CNTNAP5: variants seen among roughly 807,000 people sequenced by gnomAD.
CNTNAP5 encodes the protein contactin associated protein family member 5.
A neutral mutation model predicts 150.2 loss-of-function variants in CNTNAP5; 72 were observed. The observed-to-expected ratio is 0.48, with a 90% CI of 0.40 to 0.58. CNTNAP5 has a LOEUF of 0.58. Ranked by LOEUF, CNTNAP5 falls within the 20% of genes least tolerant of loss-of-function variation. The pLI is 0.00. For missense variants in CNTNAP5, 1,636 were observed against 1,626.2 expected (o/e 1.01, Z -0.10); for synonymous variants, 672 against 619.8 (o/e 1.08, Z -1.25).
chr2:124,369,800 C>T (rs1217777403), intron 3 of CNTNAP5, among the ~76,000 whole-genome samples: 1 of 152,092 alleles, frequency 6.6e-6, no homozygotes, highest in African/African-American at 2.4e-5. Flanking sequence ...TTGACTATAT[C>T]TATTGTGCAC....
At chr2:124,560,487 C>G (rs1043962691) in intron 10 of CNTNAP5, among the ~76,000 whole-genome samples, 3 of 148,706 alleles carry the variant, frequency 2.0e-5, no homozygotes, top group Non-Finnish European at 4.4e-5. Flanking sequence ...CCACTGCACT[C>G]CAGCCTGGGT....
At chr2:124,111,027 T>A (rs1456145153) in intron 1 of CNTNAP5, among the ~76,000 whole-genome samples, 1 of 152,190 alleles carries the variant, frequency 6.6e-6, no homozygotes, top group Non-Finnish European at 1.5e-5. Context: ...GAGTGTATAA[T>A]CAAAGTGCGA....
At chr2:124,913,752 A>C (rs1413104441) in intron 23 of CNTNAP5, among the ~76,000 whole-genome samples, 1 of 152,058 alleles carries the variant, frequency 6.6e-6, no homozygotes. Context: ...AATGATTCTG[A>C]CACATTATTT....
chr2:124,833,389 A>G (rs778215810), intron 19 of CNTNAP5, among the ~76,000 whole-genome samples: 1 of 152,180 alleles, frequency 6.6e-6, no homozygotes, highest in Non-Finnish European at 1.5e-5. Context: ...TTTAAGGGCC[A>G]TGCTGGTACC....
chr2:124,256,835 C>A (rs1252808311), intron 3 of CNTNAP5, among the ~76,000 whole-genome samples: 1 of 152,170 alleles, frequency 6.6e-6, no homozygotes, highest in Non-Finnish European at 1.5e-5. Flanking sequence ...TTGAAGAGTG[C>A]TCCCACAAAA....
chr2:124,714,790 C>A (rs1044093915), intron 13 of CNTNAP5, among the ~76,000 whole-genome samples: 10 of 151,664 alleles, frequency 6.6e-5, no homozygotes, highest in Non-Finnish European at 1.2e-4. Context: ...TTACTGGGGC[C>A]ACATACATAT....
intron 1 of CNTNAP5, among the ~76,000 whole-genome samples, chr2:124,059,543 T>C (rs559917359): frequency 6.6e-6 from 1 of 152,188 alleles, no homozygotes; most frequent in African/African-American, 2.4e-5. Context: ...CAGATTTTCC[T>C]GTCAAAATAA....
intron 19 of CNTNAP5, among the ~76,000 whole-genome samples, chr2:124,831,287 C>T (rs1230216093): frequency 6.6e-6 from 1 of 151,760 alleles, no homozygotes; most frequent in African/African-American, 2.4e-5. Context: ...TACTTTAAGA[C>T]AACAATTTAT....
intron 1 of CNTNAP5, among the ~76,000 whole-genome samples, chr2:124,199,453 T>C (rs1204748497): frequency 6.7e-6 from 1 of 149,000 alleles, no homozygotes; most frequent in East Asian, 2.0e-4. Context: ...TTCACTCTTG[T>C]TGCCCAGGCT....
At chr2:124,316,727 C>T (rs975281990) in intron 3 of CNTNAP5, among the ~76,000 whole-genome samples, 13 of 144,846 alleles carry the variant, frequency 9.0e-5, no homozygotes, top group African/African-American at 3.4e-4. Flanking sequence ...ATGGCAGGAA[C>T]CCAGGAGGCA....
At chr2:124,906,962 A>C (rs2250071) in intron 22 of CNTNAP5, among the ~76,000 whole-genome samples, 73,502 of 151,938 alleles carry the variant, frequency 0.48, 18,282 homozygotes, top group African/African-American at 0.54. Flanking sequence ...AAACATTTAA[A>C]GTCCCTAATT....
intron 17 of CNTNAP5, among the ~76,000 whole-genome samples, chr2:124,788,117 A>G (rs937363657): frequency 6.6e-6 from 1 of 152,202 alleles, no homozygotes; most frequent in African/African-American, 2.4e-5. Flanking sequence ...CTTTAAGGCC[A>G]GGCTGTACCT....
chr2:124,580,902 A>T (rs189768025), intron 11 of CNTNAP5, among the ~76,000 whole-genome samples: 17 of 152,218 alleles, frequency 1.1e-4, no homozygotes, highest in Non-Finnish European at 2.5e-4. Context: ...GGGAATCTTT[A>T]TACAGGGAGT....
chr2:124,553,791 A>C (rs1695687199), intron 10 of CNTNAP5, among the ~76,000 whole-genome samples: 1 of 152,170 alleles, frequency 6.6e-6, no homozygotes. Context: ...AGACAGAGGA[A>C]GGGAAACTAG....
At chr2:124,359,501 T>G (rs1311918159) in intron 3 of CNTNAP5, among the ~76,000 whole-genome samples, 1 of 151,638 alleles carries the variant, frequency 6.6e-6, no homozygotes, top group Non-Finnish European at 1.5e-5. Context: ...TCTGGTATGT[T>G]GTGTCTTTGT....
chr2:124,464,592 A>G (rs754453823), intron 6 of CNTNAP5, among the ~76,000 whole-genome samples: 2 of 152,186 alleles, frequency 1.3e-5, no homozygotes, highest in Non-Finnish European at 2.9e-5. Flanking sequence ...CAAACAGTAA[A>G]ACATAAGTTA....
intron 11 of CNTNAP5, among the ~76,000 whole-genome samples, chr2:124,580,804 G>A (rs1696394165): frequency 6.6e-6 from 1 of 152,226 alleles, no homozygotes; most frequent in East Asian, 1.9e-4. Flanking sequence ...CATATGGAGT[G>A]ATTTGCATGA....
At chr2:124,659,437 A>G (rs899853642) in intron 13 of CNTNAP5, among the ~76,000 whole-genome samples, 2 of 152,182 alleles carry the variant, frequency 1.3e-5, no homozygotes, top group Admixed American at 1.3e-4. Flanking sequence ...ATAAAAAAAT[A>G]AAAAAATAAA....
intron 1 of CNTNAP5, among the ~76,000 whole-genome samples, chr2:124,056,666 C>G (rs141996407): frequency 1.3e-5 from 2 of 151,990 alleles, no homozygotes; most frequent in African/African-American, 2.4e-5. Flanking sequence ...AGAACAACAA[C>G]AACAACAACA....
Sources: gnomAD v4.1 joint callset for allele counts (sites outside exome capture counted in the v4.1 genomes callset) on GRCh38, gnomAD v4.1.1 for gene constraint, MANE v1.5 for transcripts, NCBI Gene and HGNC (gene_info 2026-07-23, HGNC 2026-07-21) for gene names.